Variants in VRTN observed in about 807,000 individuals in gnomAD.
VRTN encodes the protein vertebrae development associated.
In VRTN, 5 loss-of-function variants were observed where a neutral mutation model predicts 18.2. The observed-to-expected ratio is 0.27, with a 90% CI of 0.14 to 0.58. VRTN has a LOEUF of 0.58. Among genes scored for constraint, VRTN ranks in the 20% least tolerant of loss-of-function variants. VRTN has a pLI of 0.91. For synonymous variants in VRTN, 381 were observed against 393.7 expected, an observed-to-expected ratio of 0.97 and a Z score of 0.38; for missense variants, 741 against 939.4, an observed-to-expected ratio of 0.79 and a Z score of 2.76.
At chr14:74,333,849 T>A (rs964876090) in intron 1 of VRTN, among the ~76,000 whole-genome samples, 153 of 146,478 alleles carry the variant, frequency 1.0e-3, no homozygotes, top group African/African-American at 3.6e-3. Context: ...CAAAAAAAAA[T>A]AAATAAAAAT....
chr14:74,328,640 TA>T (rs202025926), intron 1 of VRTN, among the ~76,000 whole-genome samples: 1 of 152,162 alleles, frequency 6.6e-6, no homozygotes, highest in African/African-American at 2.4e-5. Flanking sequence ...CTACAGCTGT[TA>T]AAAAACGAGG....
chr14:74,310,141 TA>T (rs1207987814), intron 1 of VRTN, among the ~76,000 whole-genome samples: 1 of 152,188 alleles, frequency 6.6e-6, no homozygotes, highest in African/African-American at 2.4e-5. Flanking sequence ...CTCACGCCTG[TA>T]ATCCCAGCAC....
Position 74,358,568 on chromosome 14 carries a change from T to C in VRTN, c.1785T>C (p.Ser595=), listed in dbSNP as rs754269099. 8 of 1,607,182 alleles carry C rather than the reference T, an allele frequency of 5.0e-6. No individual in the cohort carries two copies. The highest frequency in any genetic ancestry group is 6.8e-6 in the Non-Finnish European group (8 of 1,176,296). ...TAVMAPPVGA[S]SEDVEGGPSR... ...TGATGGCCCCACCTGTGGGGGCTTC[T>C]TCAGAAGATGTAGAGGGAGGGCCTT... Residue 595 remains serine (S), a synonymous_variant, in exon 2 of 2, where the codon TCT becomes TCC. Coordinates refer to ENST00000256362, the MANE Select transcript of VRTN (RefSeq NM_018228.3). The surrounding 1 kb of genome is among the most constrained non-coding windows in gnomAD (Gnocchi z 5.4).
At chr14:74,353,493 T>C (rs1448217894) in intron 1 of VRTN, among the ~76,000 whole-genome samples, 1 of 152,096 alleles carries the variant, frequency 6.6e-6, no homozygotes, top group Non-Finnish European at 1.5e-5. Context: ...GTGCAGTGAA[T>C]AGATTGTTGC....
At chr14:74,326,680 G>C (rs1595167001) in intron 1 of VRTN, among the ~76,000 whole-genome samples, 1 of 151,948 alleles carries the variant, frequency 6.6e-6, no homozygotes, top group East Asian at 1.9e-4. Context: ...CTGAGTCTGG[G>C]GCCCCTTCCC....
intron 1 of VRTN, among the ~76,000 whole-genome samples, chr14:74,307,989 A>C (rs981557830): frequency 6.6e-6 from 1 of 152,144 alleles, no homozygotes; most frequent in Non-Finnish European, 1.5e-5. Flanking sequence ...CAGCCTCCCA[A>C]AGTGCTGGGA....
Position 74,356,869 on chromosome 14 carries a change from G to T in VRTN, c.86G>T (p.Gly29Val), listed in dbSNP as rs1194050283. Residue 29 changes from glycine to valine, a missense_variant, in exon 2 of 2, where the codon GGT (glycine) becomes GTT (valine). Transcript: ENST00000256362. ...VECEGLEGLI[G>V]ASLEAKQVLS... ...TGCGAAGGCCTGGAGGGTCTCATAGGTGCTTCCTTGGAGGCCAAGCAGGTC... is the reference window on the plus strand; with the variant it reads ...TGCGAAGGCCTGGAGGGTCTCATAGTTGCTTCCTTGGAGGCCAAGCAGGTC... 6.2e-7 allele frequency: 1 copy of T among 1,614,046 alleles called. No homozygotes were observed. The highest frequency in any genetic ancestry group is 8.5e-7 in the Non-Finnish European group (1 of 1,179,976).
intron 1 of VRTN, among the ~76,000 whole-genome samples, chr14:74,319,138 T>G (rs1447922581): frequency 6.6e-6 from 1 of 152,098 alleles, no homozygotes; most frequent in Non-Finnish European, 1.5e-5. Context: ...GCTCAAGCGA[T>G]TCTCCTGCCT....
At chr14:74,328,153 C>G (rs1264260936) in intron 1 of VRTN, among the ~76,000 whole-genome samples, 3 of 152,166 alleles carry the variant, frequency 2.0e-5, no homozygotes, top group African/African-American at 7.2e-5. Flanking sequence ...CCTCCAACTT[C>G]CTGGGTTATG....
At chr14:74,351,756 C>T (rs2085686231) in intron 1 of VRTN, among the ~76,000 whole-genome samples, 1 of 152,098 alleles carries the variant, frequency 6.6e-6, no homozygotes, top group South Asian at 2.1e-4. Flanking sequence ...TCTGGGATTA[C>T]AGGCATGAGC....
In VRTN at chr14:74,357,488, G is replaced by A; in HGVS notation, c.705G>A (p.Gln235=). ...TCACCAGCCACTTCTTCCGCCACCA[G>A]TACTTTGCCCCTGTGGTGGGGCTGG... The part of the protein sequence containing the change: ...QPLTSHFFRH[Q]YFAPVVGLEE... Residue 235 remains glutamine, a synonymous_variant, in exon 2 of 2, where the codon CAG becomes CAA. Coordinates refer to ENST00000256362, the MANE Select transcript of VRTN (RefSeq NM_018228.3). This position sits in a 1 kb window ranked among gnomAD's most constrained non-coding sequence, Gnocchi z 7.8. The A allele has an allele frequency of 6.2e-7, 1 of 1,612,528 alleles. No individual in the cohort carries two copies.
intron 1 of VRTN, among the ~76,000 whole-genome samples, chr14:74,350,890 C>A (rs1054503161): frequency 6.6e-6 from 1 of 152,234 alleles, no homozygotes; most frequent in Non-Finnish European, 1.5e-5. Context: ...CTTCAGGGAA[C>A]ATCATGCTCT....
At chr14:74,334,410 G>A (rs1595169543) in intron 1 of VRTN, among the ~76,000 whole-genome samples, 1 of 152,044 alleles carries the variant, frequency 6.6e-6, no homozygotes, top group East Asian at 1.9e-4. Flanking sequence ...GGTGCCTGTA[G>A]TCCCAGCTAC....
intron 2 of VRTN, among the ~76,000 whole-genome samples, chr14:74,342,514 T>C (rs989214157): frequency 6.6e-6 from 1 of 152,160 alleles, no homozygotes; most frequent in Non-Finnish European, 1.5e-5. Context: ...TGTGTGTGCA[T>C]ATATGTGTAC....
chr14:74,344,750 A>AAAAAAAAAAAAAAAGT (rs1410658975), upstream of VRTN, among the ~76,000 whole-genome samples: 97 of 128,066 alleles, frequency 7.6e-4, no homozygotes, highest in East Asian at 1.4e-3. Flanking sequence ...AAAAAAAATG[A>AAAAAAAAAAAAAAAGT]AAAAAAGAAA....
chr14:74,314,565 T>A (rs1223957323), intron 1 of VRTN, among the ~76,000 whole-genome samples: 3 of 146,898 alleles, frequency 2.0e-5, no homozygotes, highest in Non-Finnish European at 4.5e-5. Flanking sequence ...CCCGGCTAAA[T>A]TTTTTTTTTT....
chr14:74,323,808 G>A (rs2085470611), intron 1 of VRTN, among the ~76,000 whole-genome samples: 1 of 152,084 alleles, frequency 6.6e-6, no homozygotes, highest in South Asian at 2.1e-4. Flanking sequence ...CATCTGGGAA[G>A]GGTTGCCAGA....
chr14:74,359,023 T>C lies in VRTN; in HGVS notation c.*131T>C. On this transcript the variant is annotated 3_prime_UTR_variant, in exon 2 of 2. Coordinates refer to ENST00000256362, the MANE Select transcript of VRTN (RefSeq NM_018228.3). ...ACAGTGTCTACCCTAAGTCCAAGGG[T>C]ATATTTGTGTTATTTTCTGGCTCCA... is the stretch of plus-strand genomic sequence containing the variant. The C allele has an allele frequency of 1.4e-6, 2 of 1,407,182 alleles. No homozygotes were observed. Among genetic ancestry groups the C allele is most frequent in the South Asian group, 1.8e-5 (1 of 54,424 alleles). The allele number at this position is 1,407,182 out of a possible 1,614,324, so 87.2% of individuals were successfully genotyped here.
upstream of VRTN, among the ~76,000 whole-genome samples, chr14:74,344,407 C>A (rs1425601186): frequency 3.6e-3 from 240 of 66,234 alleles, no homozygotes; most frequent in Non-Finnish European, 3.9e-3. Flanking sequence ...AAGACTGTCT[C>A]AAAAAAAAAA....
Sources: gnomAD v4.1 joint callset for allele counts (sites outside exome capture counted in the v4.1 genomes callset) on GRCh38, gnomAD v4.1.1 for gene constraint, Gnocchi (gnomAD v3.1) non-coding constraint, MANE v1.5 for transcripts, NCBI Gene and HGNC (gene_info 2026-07-23, HGNC 2026-07-21) for gene names.